Variants in DYM observed in about 807,000 individuals in gnomAD.
The protein encoded by DYM is dyggve-Melchior-Clausen syndrome protein.
DYM carries 78 observed loss-of-function variants against 93.1 expected under a neutral mutation model. The ratio of observed to expected loss-of-function variants is 0.84; its 90% CI spans 0.70 to 1.01. The LOEUF (loss-of-function observed/expected upper bound fraction) is 1.01, where lower values mean the gene tolerates loss of function less well. DYM is among the 50% of genes least tolerant of loss of function. DYM has a pLI of 0.00. For missense variants in DYM, 789 were observed against 845.0 expected (o/e 0.93, Z 0.82); for synonymous variants, 321 against 319.7 (o/e 1.00, Z -0.04).
chr18:49,296,560 G>A (rs1216720032), intron 8 of DYM, among the ~76,000 whole-genome samples: 3 of 151,926 alleles, frequency 2.0e-5, no homozygotes, highest in Non-Finnish European at 4.4e-5. Context: ...TCAGTTTGTC[G>A]GGGGGAATAA....
At chr18:49,285,058 T>C (rs559929512) in intron 9 of DYM, among the ~76,000 whole-genome samples, 6 of 152,276 alleles carry the variant, frequency 3.9e-5, no homozygotes, top group Admixed American at 3.3e-4. Context: ...GAAGGATCCA[T>C]CTTGGAAGCA....
intron 15 of DYM, among the ~76,000 whole-genome samples, chr18:49,125,468 T>A (rs1292419622): frequency 1.3e-5 from 2 of 152,276 alleles, no homozygotes; most frequent in East Asian, 1.9e-4. Context: ...AGTAGTGACA[T>A]AAATACTCTC....
At chr18:49,367,260 G>A (rs905958544) in intron 5 of DYM, among the ~76,000 whole-genome samples, 11 of 152,152 alleles carry the variant, frequency 7.2e-5, no homozygotes, top group African/African-American at 2.7e-4. Flanking sequence ...TGCAGAACAA[G>A]GTCACTAAAA....
intron 14 of DYM, among the ~76,000 whole-genome samples, chr18:49,200,146 G>C (rs1185428695): frequency 6.6e-6 from 1 of 151,956 alleles, no homozygotes; most frequent in Non-Finnish European, 1.5e-5. Flanking sequence ...TTAGTAGAGG[G>C]AAAAAAGGAA....
At chr18:49,100,482 C>T (rs1005290917) in intron 16 of DYM, among the ~76,000 whole-genome samples, 6 of 152,062 alleles carry the variant, frequency 3.9e-5, no homozygotes, top group African/African-American at 9.7e-5. Context: ...AAGGAATTTC[C>T]ATTTCCACTG....
chr18:49,226,623 T>C (rs940807824), intron 13 of DYM, among the ~76,000 whole-genome samples: 1 of 152,204 alleles, frequency 6.6e-6, no homozygotes, highest in Non-Finnish European at 1.5e-5. Flanking sequence ...AATATAGAGT[T>C]AGGGTGAAGG....
intron 6 of DYM, among the ~76,000 whole-genome samples, chr18:49,359,518 G>T (rs1286965127): frequency 9.9e-5 from 15 of 152,102 alleles, no homozygotes; most frequent in Non-Finnish European, 7.4e-5. Flanking sequence ...ATGAACTTCT[G>T]GGAGTTTATT....
At chr18:49,427,416 A>C (rs1568426876) in intron 2 of DYM, among the ~76,000 whole-genome samples, 2 of 152,218 alleles carry the variant, frequency 1.3e-5, no homozygotes, top group Admixed American at 6.5e-5. Flanking sequence ...TAAGGACAAG[A>C]ACCATCAAGT....
intron 6 of DYM, among the ~76,000 whole-genome samples, chr18:49,349,663 G>A (rs1285106335): frequency 2.6e-5 from 4 of 152,152 alleles, no homozygotes; most frequent in African/African-American, 7.2e-5. Context: ...ATGCACATAA[G>A]AATCACAATA....
chr18:49,297,515 C>G (rs904154368), intron 8 of DYM, among the ~76,000 whole-genome samples: 5 of 152,038 alleles, frequency 3.3e-5, no homozygotes, highest in Non-Finnish European at 7.4e-5. Context: ...ATTACTTGAG[C>G]CACATGCTAA....
intron 6 of DYM, 49 bp downstream of exon 6, chr18:49,363,112 T>C: frequency 7.0e-7 from 1 of 1,419,810 alleles, no homozygotes; most frequent in Non-Finnish European, 1.0e-6. Flanking sequence ...AATGATTATC[T>C]GCCATATACA....
Position 49,363,179 on chromosome 18 carries a change from A to G in DYM, c.476T>C (p.Ile159Thr). The G allele has an allele frequency of 6.2e-7, 1 of 1,613,910 alleles. No individual in the cohort carries two copies. The highest frequency in any genetic ancestry group is 8.5e-7 in the Non-Finnish European group (1 of 1,179,828). The change falls in exon 6 of 18, where the codon ATC becomes ACC. Residue 159 changes from isoleucine (I) to threonine (T), a missense_variant. By Grantham distance (89) the Ile-to-Thr change is moderately conservative. This residue lies in a region of DYM where 450 missense variants were observed against 436.2 expected (regional missense o/e 1.03). Transcript: ENST00000675505. ...EELLCCLMQL[I>T]TDIPLLDITY... ...AACTTACAAGAGTGGAATATCAGTG[A>G]TCAACTGCATCAAACAGCACAGCAA...
At chr18:49,196,637 G>GA (rs1397637007) in intron 14 of DYM, among the ~76,000 whole-genome samples, 20 of 151,998 alleles carry the variant, frequency 1.3e-4, no homozygotes, top group Admixed American at 5.2e-4. Flanking sequence ...TATGGAGAAG[G>GA]AAAAAGACAG....
chr18:49,443,972 C>CA (rs1406942629), intron 1 of DYM, among the ~76,000 whole-genome samples: 4 of 151,902 alleles, frequency 2.6e-5, no homozygotes, highest in Non-Finnish European at 4.4e-5. Flanking sequence ...GAATATTTTC[C>CA]AAAAAATCAA....
chr18:49,083,830 G>T (rs1464297223), intron 17 of DYM, among the ~76,000 whole-genome samples: 2 of 151,912 alleles, frequency 1.3e-5, no homozygotes, highest in African/African-American at 4.8e-5. Flanking sequence ...TTTCTACAGG[G>T]TCAATAACGG....
chr18:49,202,667 C>G (rs1007750301), intron 14 of DYM, among the ~76,000 whole-genome samples: 15 of 101,870 alleles, frequency 1.5e-4, no homozygotes, highest in Non-Finnish European at 2.4e-4. Context: ...ATGTGAGGAG[C>G]GCCTCTGCCC....
At chr18:49,270,060 C>G (rs773825694) in intron 11 of DYM, among the ~76,000 whole-genome samples, 1 of 152,170 alleles carries the variant, frequency 6.6e-6, no homozygotes, top group Non-Finnish European at 1.5e-5. Context: ...ACAGTAACAA[C>G]GCTGTACTGG....
intron 15 of DYM, among the ~76,000 whole-genome samples, chr18:49,128,990 T>C (rs1003435829): frequency 1.1e-4 from 17 of 152,176 alleles, no homozygotes; most frequent in African/African-American, 4.1e-4. Context: ...CTGTGTGTCA[T>C]GGATTACACA....
intron 17 of DYM, among the ~76,000 whole-genome samples, chr18:49,049,347 G>A (rs1167815303): frequency 6.6e-6 from 1 of 152,168 alleles, no homozygotes; most frequent in Non-Finnish European, 1.5e-5. Context: ...AATACTTACT[G>A]AGGGCCTAGT....
Sources: gnomAD v4.1 joint callset for allele counts (sites outside exome capture counted in the v4.1 genomes callset) on GRCh38, gnomAD v4.1.1 for gene constraint, gnomAD v4.1.1 regional missense constraint, MANE v1.5 for transcripts, NCBI Gene and HGNC (gene_info 2026-07-23, HGNC 2026-07-21) for gene names.